Variants in FRMD4A observed in about 807,000 individuals in gnomAD.
FRMD4A encodes the protein FERM domain containing 4A.
A neutral mutation model predicts 129.1 loss-of-function variants in FRMD4A; 29 were observed. That is an observed-to-expected ratio of 0.22 (90% CI 0.17 to 0.31). The LOEUF (loss-of-function observed/expected upper bound fraction) is 0.31, where lower values mean the gene tolerates loss of function less well. Among genes scored for constraint, FRMD4A ranks in the 10% least tolerant of loss-of-function variants. The probability of loss-of-function intolerance (pLI) is 1.00; values close to 1 mark genes in which losing one functional copy is unlikely to be tolerated. For synonymous variants in FRMD4A, 634 were observed against 571.6 expected (o/e 1.11, Z -1.56); for missense variants, 1,272 against 1,375.8 (o/e 0.92, Z 1.19).
chr10:13,854,640 C>T (rs1181724468), intron 3 of FRMD4A, among the ~76,000 whole-genome samples: 2 of 151,102 alleles, frequency 1.3e-5, no homozygotes, highest in African/African-American at 4.9e-5. Context: ...CCATGTTGGC[C>T]AGGCTGGTCT....
intron 2 of FRMD4A, among the ~76,000 whole-genome samples, chr10:13,998,320 C>T (rs2095630205): frequency 6.6e-6 from 1 of 152,190 alleles, no homozygotes; most frequent in Non-Finnish European, 1.5e-5. Flanking sequence ...CCTGCCATGG[C>T]CCATTTCAAA....
intron 2 of FRMD4A, among the ~76,000 whole-genome samples, chr10:13,968,763 A>G (rs1007130558): frequency 6.6e-6 from 1 of 152,158 alleles, no homozygotes; most frequent in Admixed American, 6.5e-5. Flanking sequence ...TCCATCACTT[A>G]TTTAATCCCT....
Position 14,230,190 on chromosome 10 carries a change from C to T in FRMD4A, c.45+99868G>A, listed in dbSNP as rs534654512. ...GAAGTTCACCACAGTTGCTCATTTC[C>T]CAAATCAGAAATGTGGGGCCCTCTC... On this transcript the variant is annotated intron_variant, in intron 2 of 24. Coordinates refer to ENST00000357447, the MANE Select transcript of FRMD4A (RefSeq NM_018027.5). Among the ~76,000 whole-genome samples, 7 of 152,304 alleles carry T rather than the reference C, an allele frequency of 4.6e-5. No homozygotes were observed. In the South Asian group the frequency reaches 1.2e-3, roughly 27 times the overall value.
intron 9 of FRMD4A, 90 bp from the exon 10 acceptor site, chr10:13,740,667 A>G: frequency 2.8e-6 from 2 of 721,230 alleles, no homozygotes; most frequent in Non-Finnish European, 4.9e-6. Flanking sequence ...GCCCCATCTC[A>G]TAAGAAGCTC....
At chr10:14,099,037 A>G (rs1370158889) in intron 2 of FRMD4A, among the ~76,000 whole-genome samples, 1 of 152,218 alleles carries the variant, frequency 6.6e-6, no homozygotes, top group Non-Finnish European at 1.5e-5. Context: ...CACTCCACTT[A>G]GCACACAGGA....
At chr10:13,862,163 A>G (rs2094303622) in intron 2 of FRMD4A, among the ~76,000 whole-genome samples, 1 of 152,228 alleles carries the variant, frequency 6.6e-6, no homozygotes, top group Non-Finnish European at 1.5e-5. Context: ...TTTAAGAAAG[A>G]AATGCTGTTT....
chr10:13,890,267 C>A (rs2094679661), intron 2 of FRMD4A, among the ~76,000 whole-genome samples: 1 of 152,172 alleles, frequency 6.6e-6, no homozygotes, highest in African/African-American at 2.4e-5. Context: ...TGACTGCTGC[C>A]CCCAATGCAA....
At chr10:13,989,912 T>C (rs1310060075) in intron 2 of FRMD4A, among the ~76,000 whole-genome samples, 1 of 152,232 alleles carries the variant, frequency 6.6e-6, no homozygotes, top group Non-Finnish European at 1.5e-5. Flanking sequence ...GTATTTTCAT[T>C]TGCTGAATCT....
intron 2 of FRMD4A, among the ~76,000 whole-genome samples, chr10:14,256,023 A>G (rs1844603676): frequency 6.6e-6 from 1 of 151,418 alleles, no homozygotes; most frequent in Non-Finnish European, 1.5e-5. Context: ...AAAAAAAAAA[A>G]TTTGTTGCCA....
intron 4 of FRMD4A, among the ~76,000 whole-genome samples, chr10:13,802,100 C>A (rs2093268933): frequency 6.6e-6 from 1 of 151,520 alleles, no homozygotes; most frequent in Non-Finnish European, 1.5e-5. Flanking sequence ...AGATAACGCT[C>A]ATTTGGTTTA....
chr10:14,005,013 T>G (rs112114766), intron 2 of FRMD4A, among the ~76,000 whole-genome samples: 1 of 151,496 alleles, frequency 6.6e-6, no homozygotes, highest in East Asian at 1.9e-4. Context: ...TATATTTCTT[T>G]CTTTCTTTCT....
chr10:13,820,165 A>C (rs1381522292), intron 3 of FRMD4A, among the ~76,000 whole-genome samples: 1 of 152,200 alleles, frequency 6.6e-6, no homozygotes, highest in Non-Finnish European at 1.5e-5. Flanking sequence ...AGCTGCCTCC[A>C]GAAATTTGGG....
intron 2 of FRMD4A, among the ~76,000 whole-genome samples, chr10:14,056,472 C>T (rs1260045920): frequency 1.3e-5 from 2 of 151,670 alleles, no homozygotes; most frequent in East Asian, 3.9e-4. Flanking sequence ...GAATGACTTC[C>T]TTGGACCTCT....
Position 13,809,299 on chromosome 10 carries a change from T to C in FRMD4A, c.206+1515A>G, listed in dbSNP as rs140556082. Among the ~76,000 whole-genome samples, 264 of 152,352 alleles carry C rather than the reference T, an allele frequency of 1.7e-3. 3 individuals are homozygous for C. Among genetic ancestry groups the C allele is most frequent in the African/African-American group, 5.3e-3 (220 of 41,590 alleles). On this transcript the variant is annotated intron_variant, in intron 4 of 24. Coordinates refer to ENST00000357447, the MANE Select transcript of FRMD4A (RefSeq NM_018027.5). ...TTGTTTATTCAAAAGGGAAGCCTAA[T>C]CAGGCCTCCTCTAGAGTTCACGGGA...
At chr10:14,034,404 C>T (rs1199166437) in intron 2 of FRMD4A, among the ~76,000 whole-genome samples, 1 of 152,102 alleles carries the variant, frequency 6.6e-6, no homozygotes, top group Non-Finnish European at 1.5e-5. Flanking sequence ...TACCCACACT[C>T]GAGTTCCAGA....
intron 2 of FRMD4A, among the ~76,000 whole-genome samples, chr10:13,945,689 T>G (rs1415876178): frequency 6.6e-6 from 1 of 152,172 alleles, no homozygotes; most frequent in Non-Finnish European, 1.5e-5. Context: ...GCTGGGAGAA[T>G]TTACATGCTC....
chr10:13,684,351 T>C (rs2084887479), intron 15 of FRMD4A: 6 of 984,986 alleles, frequency 6.1e-6, no homozygotes, highest in Non-Finnish European at 6.0e-6. Flanking sequence ...TCGGGGGCAT[T>C]TGGAAATCTT....
chr10:14,032,336 G>A (rs1192483991), intron 2 of FRMD4A, among the ~76,000 whole-genome samples: 5 of 152,200 alleles, frequency 3.3e-5, no homozygotes, highest in South Asian at 2.1e-4. Context: ...CTTAATTACT[G>A]TGAGGCCAGA....
intron 2 of FRMD4A, among the ~76,000 whole-genome samples, chr10:13,918,350 T>G (rs2797868): frequency 0.75 from 114,351 of 152,042 alleles, 43,528 homozygotes; most frequent in South Asian, 0.91. Context: ...AGCTCTGATA[T>G]TATGAACAAG....
Sources: gnomAD v4.1 joint callset for allele counts (sites outside exome capture counted in the v4.1 genomes callset) on GRCh38, gnomAD v4.1.1 for gene constraint, MANE v1.5 for transcripts, NCBI Gene and HGNC (gene_info 2026-07-23, HGNC 2026-07-21) for gene names.